The following ERC1 variants were observed in gnomAD, a reference collection of about 807,000 sequenced individuals.
ERC1 encodes RAB6 interacting protein 2.
Under a neutral mutation model 132.0 loss-of-function variants are expected in ERC1, and 56 were observed. That is an observed-to-expected ratio of 0.42 (90% confidence interval 0.34 to 0.53). ERC1 has a LOEUF of 0.53. Ranked by LOEUF, ERC1 falls within the 20% of genes least tolerant of loss-of-function variation. ERC1 has a pLI of 0.03. For synonymous variants in ERC1, 478 were observed against 476.1 expected (o/e 1.00, Z -0.05); for missense variants, 1,202 against 1,349.9 (o/e 0.89, Z 1.72).
intron 7 of ERC1, among the ~76,000 whole-genome samples, chr12:1,119,018 T>C (rs956880601): frequency 2.6e-5 from 4 of 152,022 alleles, no homozygotes; most frequent in East Asian, 1.9e-4. Context: ...CCAAGACTTA[T>C]AGGCATGTGC....
chr12:1,166,240 G>A (rs978342460), intron 8 of ERC1, among the ~76,000 whole-genome samples: 1 of 152,132 alleles, frequency 6.6e-6, no homozygotes, highest in African/African-American at 2.4e-5. Context: ...GGTCTTTCTC[G>A]TGCTGTTCTT....
At chr12:1,308,210 G>GTTATTATTA (rs60804477) in intron 15 of ERC1, among the ~76,000 whole-genome samples, 43 of 150,120 alleles carry the variant, frequency 2.9e-4, no homozygotes, top group Admixed American at 1.3e-3. Flanking sequence ...TGTTACTATT[G>GTTATTATTA]TTATTATTAT....
Position 1,394,024 on chromosome 12 carries a change from A to C in ERC1, c.2926-14125A>C, listed in dbSNP as rs562012050. Among the ~76,000 whole-genome samples, 22 of 107,840 alleles carry C rather than the reference A, an allele frequency of 2.0e-4. No homozygotes were observed. In the South Asian group the frequency reaches 2.1e-3, roughly 10 times the overall value. 70.7% of individuals were successfully genotyped at this position (107,840 alleles called of 152,430 possible). ...GAGTGAGACTCCGTCTCAAAAAAAA[A>C]AAAAAAAAACAAAAAAAAAACCACA... On this transcript the variant is annotated intron_variant, in intron 16 of 18. Coordinates refer to ENST00000360905, the MANE Select transcript of ERC1 (RefSeq NM_178040.4).
intron 8 of ERC1, among the ~76,000 whole-genome samples, chr12:1,179,786 CG>C (rs551892022): frequency 1.2e-3 from 179 of 152,256 alleles, no homozygotes; most frequent in Non-Finnish European, 1.9e-3. Flanking sequence ...GGATTACAGG[CG>C]TGAGCCACCG....
chr12:1,339,630 G>A (rs1377010457), intron 15 of ERC1, among the ~76,000 whole-genome samples: 1 of 152,186 alleles, frequency 6.6e-6, no homozygotes, highest in Non-Finnish European at 1.5e-5. Flanking sequence ...CCCCCATGTA[G>A]GCATTCACTG....
chr12:1,400,594 T>C (rs1342141385), intron 16 of ERC1, among the ~76,000 whole-genome samples: 1 of 152,202 alleles, frequency 6.6e-6, no homozygotes, highest in Non-Finnish European at 1.5e-5. Flanking sequence ...GTTTATTCTT[T>C]TATATGTTCT....
chr12:1,180,484 C>T, intron 8 of ERC1, 56 bp from the exon 9 acceptor site: 1 of 1,513,656 alleles, frequency 6.6e-7, no homozygotes, highest in Non-Finnish European at 9.1e-7. Flanking sequence ...TTTGATTGTG[C>T]TATTGTTTTT....
chr12:1,119,980 TTTTATTAA>T (rs1946896934), intron 7 of ERC1, among the ~76,000 whole-genome samples: 1 of 152,154 alleles, frequency 6.6e-6, no homozygotes, highest in Non-Finnish European at 1.5e-5. Flanking sequence ...AGGGACATTT[TTTTATTAA>T]TTTATTATTT....
intron 12 of ERC1, among the ~76,000 whole-genome samples, chr12:1,227,628 A>G (rs185417335): frequency 1.6e-4 from 24 of 152,278 alleles, no homozygotes; most frequent in Admixed American, 4.6e-4. Flanking sequence ...GATTGCTTGC[A>G]TTGCTGTGCA....
chr12:1,331,218 A>G (rs76230665), intron 15 of ERC1, among the ~76,000 whole-genome samples: 1 of 152,150 alleles, frequency 6.6e-6, no homozygotes, highest in East Asian at 1.9e-4. Flanking sequence ...TGCATATTTT[A>G]ATTTTACCTG....
chr12:1,321,374 C>T (rs796110111), intron 15 of ERC1, among the ~76,000 whole-genome samples: 12 of 152,126 alleles, frequency 7.9e-5, no homozygotes, highest in African/African-American at 2.7e-4. Flanking sequence ...CCATATGTGG[C>T]ACAGATATTT....
intron 18 of ERC1, among the ~76,000 whole-genome samples, chr12:1,476,074 T>C (rs1379138392): frequency 1.3e-5 from 2 of 151,744 alleles, no homozygotes; most frequent in Non-Finnish European, 2.9e-5. Context: ...CCATCCTGGC[T>C]AACACAGTGA....
At chr12:1,451,682 T>A (rs1418370716) in intron 18 of ERC1, among the ~76,000 whole-genome samples, 1 of 152,186 alleles carries the variant, frequency 6.6e-6, no homozygotes, top group African/African-American at 2.4e-5. Flanking sequence ...TTTAAATGTC[T>A]TGTAGTACAC....
intron 13 of ERC1, 140 bp downstream of exon 13, chr12:1,237,044 T>G (rs1274779775): frequency 1.0e-6 from 1 of 997,334 alleles, no homozygotes; most frequent in South Asian, 1.8e-5. Context: ...ACCAACTGTT[T>G]AGCAATGAAG....
chr12:1,313,628 C>A (rs891955263), intron 15 of ERC1, among the ~76,000 whole-genome samples: 1 of 151,896 alleles, frequency 6.6e-6, no homozygotes, highest in Non-Finnish European at 1.5e-5. Flanking sequence ...ATGTAAAGAC[C>A]GAAAACATTT....
chr12:1,240,204 T>A (rs73595909), intron 13 of ERC1, among the ~76,000 whole-genome samples: 8,126 of 152,226 alleles, frequency 0.053, 466 homozygotes, highest in African/African-American at 0.15. Context: ...ATAAAAATAA[T>A]TTGGAGATTG....
At chr12:1,482,801 G>A (rs2094119082) in intron 18 of ERC1, among the ~76,000 whole-genome samples, 1 of 152,076 alleles carries the variant, frequency 6.6e-6, no homozygotes, top group Non-Finnish European at 1.5e-5. Context: ...CTCACCCATT[G>A]CAAGTACATA....
In ERC1 at chr12:1,420,919, TGGGG is replaced by T. The variant is rs57475289; in HGVS notation, c.3024+12683_3024+12686del. On this transcript the variant is annotated intron_variant, in intron 17 of 18. Coordinates refer to ENST00000360905, the MANE Select transcript of ERC1 (RefSeq NM_178040.4). Reference sequence around the variant, plus strand: ...TTTGTTTGTTTGTTTGGTTTTGGTTTGGGGGGGGGGGGGGTTAATTATAAAGCAT... The same window carrying T: ...TTTGTTTGTTTGTTTGGTTTTGGTTTGGGGGGGGGGTTAATTATAAAGCAT... Among the ~76,000 whole-genome samples the T allele has an allele frequency of 1.5e-3, 153 of 99,820 alleles. 5 individuals carry two copies. Among genetic ancestry groups the T allele is most frequent in the African/African-American group, 5.4e-3 (145 of 26,992 alleles). The allele number at this position is 99,820 out of a possible 152,430, so 65.5% of individuals were successfully genotyped here. A position where few individuals can be genotyped will look rare whatever the true frequency, so the allele number is the denominator to read the frequency against.
chr12:1,009,432 C>T (rs986056287), intron 1 of ERC1, among the ~76,000 whole-genome samples: 7 of 152,142 alleles, frequency 4.6e-5, no homozygotes, highest in African/African-American at 1.7e-4. Flanking sequence ...CCTCGGCCTC[C>T]CAAAGTGCTG....
Sources: gnomAD v4.1 joint callset for allele counts (sites outside exome capture counted in the v4.1 genomes callset) on GRCh38, gnomAD v4.1.1 for gene constraint, MANE v1.5 for transcripts, NCBI Gene and HGNC (gene_info 2026-07-23, HGNC 2026-07-21) for gene names.